The following ANKRD36C variants were observed in gnomAD, a reference collection of about 807,000 sequenced individuals.
ANKRD36C encodes ankyrin repeat domain 36C, also known as ankyrin repeat domain-containing protein 36C.
Under a neutral mutation model 276.4 loss-of-function variants are expected in ANKRD36C, and 61 were observed. That is an observed-to-expected ratio of 0.22 (90% CI 0.18 to 0.27). ANKRD36C has a LOEUF of 0.27. ANKRD36C is among the 10% of genes least tolerant of loss of function. The probability of loss-of-function intolerance (pLI) is 1.00; values close to 1 mark genes in which losing one functional copy is unlikely to be tolerated. For missense variants in ANKRD36C, 1,447 were observed against 2,032.3 expected, an observed-to-expected ratio of 0.71 and a Z score of 5.54; for synonymous variants, 483 against 680.1, an observed-to-expected ratio of 0.71 and a Z score of 4.51.
chr2:95,946,803 C>T (rs1219120786), intron 17 of ANKRD36C, among the ~76,000 whole-genome samples: 1 of 150,602 alleles, frequency 6.6e-6, no homozygotes, highest in East Asian at 1.9e-4. Flanking sequence ...TAAACTATCG[C>T]AAGAACAAAA....
chr2:95,939,684 G>T (rs1573786268), intron 20 of ANKRD36C, among the ~76,000 whole-genome samples: 1 of 149,714 alleles, frequency 6.7e-6, no homozygotes, highest in Non-Finnish European at 1.5e-5. Flanking sequence ...AAGCCTGGGT[G>T]ACAGAGCGAG....
At chr2:95,968,038 G>C (rs1678628113) in intron 6 of ANKRD36C, among the ~76,000 whole-genome samples, 1 of 152,130 alleles carries the variant, frequency 6.6e-6, no homozygotes, top group Non-Finnish European at 1.5e-5. Context: ...GTTGCAGTGA[G>C]CCAAGATTGT....
At chr2:95,959,789 C>T (rs1461423747) in intron 10 of ANKRD36C, among the ~76,000 whole-genome samples, 3 of 152,178 alleles carry the variant, frequency 2.0e-5, no homozygotes, top group Admixed American at 2.0e-4. Context: ...AAACATATAT[C>T]TCTGATGCCC....
At chr2:95,988,178 A>C (rs1431380876) in intron 1 of ANKRD36C, among the ~76,000 whole-genome samples, 2 of 151,974 alleles carry the variant, frequency 1.3e-5, no homozygotes, top group Non-Finnish European at 2.9e-5. Context: ...CAAATTTTTA[A>C]AACAAAGTAA....
At chr2:95,988,970 C>T (rs1339837153) in intron 1 of ANKRD36C, among the ~76,000 whole-genome samples, 1 of 152,104 alleles carries the variant, frequency 6.6e-6, no homozygotes, top group Non-Finnish European at 1.5e-5. Flanking sequence ...GAGTTTGAGA[C>T]CAGCCTGGCC....
chr2:95,895,009 G>A (rs1158997206), intron 44 of ANKRD36C, among the ~76,000 whole-genome samples: 43 of 146,880 alleles, frequency 2.9e-4, no homozygotes, highest in Admixed American at 5.5e-4. Context: ...CAGTGTCTAC[G>A]GCTTATTATG....
chr2:95,975,459 T>A (rs2104527992), intron 6 of ANKRD36C, among the ~76,000 whole-genome samples: 1 of 152,210 alleles, frequency 6.6e-6, no homozygotes, highest in East Asian at 1.9e-4. Flanking sequence ...AACAGAGCCA[T>A]CAGAAATAAT....
At chr2:95,914,892 G>A (rs964645102) in intron 38 of ANKRD36C, among the ~76,000 whole-genome samples, 15 of 151,480 alleles carry the variant, frequency 9.9e-5, no homozygotes, top group African/African-American at 3.4e-4. Flanking sequence ...ACACCCATGT[G>A]GTGTAATACT....
chr2:95,934,107 A>G (rs1010177101), intron 24 of ANKRD36C, among the ~76,000 whole-genome samples: 1 of 152,148 alleles, frequency 6.6e-6, no homozygotes, highest in African/African-American at 2.4e-5. Context: ...GAAACAACAG[A>G]TGCTGGAGAG....
At chr2:95,852,451 G>A in intron 64 of ANKRD36C, 2 of 426,746 alleles carry the variant, frequency 4.7e-6, no homozygotes, top group Non-Finnish European at 8.4e-6. Flanking sequence ...CTGAGTTATT[G>A]CAACAAGGAT....
intron 6 of ANKRD36C, among the ~76,000 whole-genome samples, chr2:95,967,151 T>C (rs1678608480): frequency 6.6e-6 from 1 of 152,304 alleles, no homozygotes; most frequent in African/African-American, 2.4e-5. Context: ...TTTATTTCTT[T>C]CTCTTGCCTG....
At chr2:95,932,172 G>A (rs76931207) in intron 24 of ANKRD36C, among the ~76,000 whole-genome samples, 10,073 of 100,870 alleles carry the variant, frequency 0.1, no homozygotes, top group African/African-American at 0.17. Flanking sequence ...CACAGCCATG[G>A]GAGAGATACA....
chr2:95,895,590 A>C (rs760639717), intron 44 of ANKRD36C: 1 of 1,551,244 alleles, frequency 6.4e-7, no homozygotes, highest in Admixed American at 1.8e-5. Context: ...CCGAGAAGAC[A>C]CTGAAAAGCA....
chr2:95,923,063 A>G (rs1175116992), intron 32 of ANKRD36C, among the ~76,000 whole-genome samples: 1 of 151,678 alleles, frequency 6.6e-6, no homozygotes, highest in East Asian at 2.0e-4. Flanking sequence ...TCATTGCTAC[A>G]TCAGTGGTCT....
At position 95,926,211 on chromosome 2, in the gene ANKRD36C, C is replaced by T. The variant is rs534782775; in HGVS notation, c.1940-664G>A. Among the ~76,000 whole-genome samples the T allele has an allele frequency of 2.0e-5, 3 of 151,572 alleles. No homozygotes were observed. The East Asian group carries it at 5.8e-4, about 30-fold the overall frequency. On this transcript the variant is annotated intron_variant, in intron 28 of 66. Transcript: ENST00000456556. Reference sequence around the variant, plus strand: ...AAGGTTCTTCGTCCACTCATGGCAACAAATATAATATATAAACCTTATCAA... The same window carrying T: ...AAGGTTCTTCGTCCACTCATGGCAATAAATATAATATATAAACCTTATCAA...
At chr2:95,908,405 T>C (rs1327085790) in intron 42 of ANKRD36C, 97 bp downstream of exon 48, 5 of 1,201,516 alleles carry the variant, frequency 4.2e-6, no homozygotes, top group Non-Finnish European at 5.7e-6. Flanking sequence ...TGAATCAGAA[T>C]GTGCAGCTTC....
At chr2:95,931,854 A>ACACACACACACACACACT (rs1677581412) in intron 24 of ANKRD36C, among the ~76,000 whole-genome samples, 1 of 133,516 alleles carries the variant, frequency 7.5e-6, no homozygotes, top group Admixed American at 7.7e-5. Flanking sequence ...ACACATACAC[A>ACACACACACACACACACT]CACACACACA....
At chr2:95,968,005 T>G (rs1678627310) in intron 6 of ANKRD36C, among the ~76,000 whole-genome samples, 1 of 152,054 alleles carries the variant, frequency 6.6e-6, no homozygotes, top group African/African-American at 2.4e-5. Context: ...AACATGAGAA[T>G]CGCTTGAACC....
chr2:95,970,052 A>T (rs1048958435), intron 6 of ANKRD36C, among the ~76,000 whole-genome samples: 20 of 152,326 alleles, frequency 1.3e-4, no homozygotes, highest in African/African-American at 4.6e-4. Context: ...GAAACACAAC[A>T]GTTTCTCCAC....
Sources: gnomAD v4.1 joint callset for allele counts (sites outside exome capture counted in the v4.1 genomes callset) on GRCh38, gnomAD v4.1.1 for gene constraint, MANE v1.5 for transcripts, NCBI Gene and HGNC (gene_info 2026-07-23, HGNC 2026-07-21) for gene names.